MEMO1: variants seen among roughly 807,000 people sequenced by gnomAD.
MEMO1 encodes mediator of cell motility 1.
In MEMO1, 6 loss-of-function variants were observed where a neutral mutation model predicts 45.2. The observed-to-expected ratio is 0.13, with a 90% CI of 0.07 to 0.26. The LOEUF is 0.26. Ranked by LOEUF, MEMO1 falls within the 10% of genes least tolerant of loss-of-function variation. The pLI is 1.00. For missense variants in MEMO1, 184 were observed against 370.5 expected (o/e 0.50, Z 4.13); for synonymous variants, 78 against 124.3 (o/e 0.63, Z 2.48).
intron 2 of MEMO1, among the ~76,000 whole-genome samples, chr2:31,965,511 G>T (rs1373081306): frequency 2.0e-5 from 3 of 152,030 alleles, no homozygotes; most frequent in Non-Finnish European, 2.9e-5. Flanking sequence ...TTTAGAGTTG[G>T]AAAGAATATT....
intron 3 of MEMO1, among the ~76,000 whole-genome samples, chr2:31,942,678 C>T (rs1282388656): frequency 6.6e-6 from 1 of 152,044 alleles, no homozygotes; most frequent in Non-Finnish European, 1.5e-5. Flanking sequence ...CGTACCATCA[C>T]ACCCAGCTAA....
At chr2:31,954,557 G>C (rs889948121) in intron 2 of MEMO1, among the ~76,000 whole-genome samples, 1 of 152,150 alleles carries the variant, frequency 6.6e-6, no homozygotes, top group Non-Finnish European at 1.5e-5. Flanking sequence ...TCCCAGCCAG[G>C]CACAGTGGCT....
intron 5 of MEMO1, among the ~76,000 whole-genome samples, chr2:31,919,953 T>C (rs915254507): frequency 1.7e-3 from 225 of 132,760 alleles, no homozygotes; most frequent in African/African-American, 5.9e-3. Flanking sequence ...CATACACGTG[T>C]GTGTGTGTGT....
At chr2:31,929,774 T>C (rs1346726903) in intron 4 of MEMO1, among the ~76,000 whole-genome samples, 2 of 152,176 alleles carry the variant, frequency 1.3e-5, no homozygotes, top group Non-Finnish European at 2.9e-5. Context: ...GAATAGAAAG[T>C]GGTAGTATAG....
intron 7 of MEMO1, among the ~76,000 whole-genome samples, chr2:31,889,227 CTGAG>C (rs1391579549): frequency 2.0e-5 from 3 of 152,140 alleles, no homozygotes; most frequent in African/African-American, 7.2e-5. Flanking sequence ...CTGTGTGTAG[CTGAG>C]TAATTTTTCA....
intron 3 of MEMO1, among the ~76,000 whole-genome samples, chr2:31,937,072 T>A (rs1665000522): frequency 6.6e-6 from 1 of 152,166 alleles, no homozygotes; most frequent in Admixed American, 6.5e-5. Context: ...CCTATATAAT[T>A]TGCAAATGCA....
At chr2:31,912,438 A>G (rs868242674) in intron 6 of MEMO1, among the ~76,000 whole-genome samples, 12 of 150,272 alleles carry the variant, frequency 8.0e-5, no homozygotes, top group Admixed American at 2.7e-4. Context: ...ACCTGAACCC[A>G]GGAGGCGGAG....
intron 4 of MEMO1, among the ~76,000 whole-genome samples, chr2:31,927,699 T>C (rs1369698183): frequency 2.0e-5 from 3 of 151,856 alleles, no homozygotes; most frequent in Non-Finnish European, 4.4e-5. Context: ...TTAGAAAATG[T>C]ATTTATTTCT....
At chr2:31,943,838 C>A (rs1665895490) in intron 2 of MEMO1, among the ~76,000 whole-genome samples, 1 of 152,152 alleles carries the variant, frequency 6.6e-6, no homozygotes, top group Non-Finnish European at 1.5e-5. Flanking sequence ...ACTCCAGTCC[C>A]CTATTCTCAT....
intron 2 of MEMO1, among the ~76,000 whole-genome samples, chr2:31,965,589 A>T (rs1013163715): frequency 2.6e-5 from 4 of 152,212 alleles, no homozygotes; most frequent in African/African-American, 9.6e-5. Context: ...TGGGTATGTG[A>T]CCTAAACAAA....
chr2:31,950,636 G>A (rs1385824344), intron 2 of MEMO1, among the ~76,000 whole-genome samples: 5 of 150,328 alleles, frequency 3.3e-5, no homozygotes, highest in African/African-American at 4.9e-5. Context: ...CACGAGAATC[G>A]CTTGAACCTG....
intron 2 of MEMO1, among the ~76,000 whole-genome samples, chr2:31,982,789 T>C (rs556209650): frequency 4.6e-5 from 7 of 152,104 alleles, no homozygotes; most frequent in Admixed American, 3.3e-4. Flanking sequence ...TATACTGGCA[T>C]TGAACAAATA....
At chr2:31,898,315 C>T (rs1312681630) in intron 6 of MEMO1, among the ~76,000 whole-genome samples, 3 of 151,960 alleles carry the variant, frequency 2.0e-5, no homozygotes, top group Non-Finnish European at 4.4e-5. Flanking sequence ...GTTAGGGTGT[C>T]GATTTTAGAT....
intron 2 of MEMO1, among the ~76,000 whole-genome samples, chr2:31,945,661 T>A (rs1219193803): frequency 6.6e-6 from 1 of 152,234 alleles, no homozygotes; most frequent in East Asian, 1.9e-4. Context: ...TAACCATCTC[T>A]TTCAAATGAG....
chr2:31,912,987 A>G (rs539683129), intron 6 of MEMO1, among the ~76,000 whole-genome samples: 2 of 152,316 alleles, frequency 1.3e-5, no homozygotes, highest in African/African-American at 4.8e-5. Context: ...TAAATCTATT[A>G]AAAACATGCA....
intron 2 of MEMO1, among the ~76,000 whole-genome samples, chr2:31,968,299 ATCTGAGCTCCT>A (rs900904787): frequency 1.3e-5 from 2 of 152,218 alleles, no homozygotes; most frequent in African/African-American, 2.4e-5. Flanking sequence ...GCATCTGCAG[ATCTGAGCTCCT>A]TCTGGCTTCA....
At chr2:31,991,157 A>G (rs1338248981) in intron 2 of MEMO1, among the ~76,000 whole-genome samples, 3 of 152,260 alleles carry the variant, frequency 2.0e-5, no homozygotes, top group Non-Finnish European at 4.4e-5. Context: ...ATATGCATAA[A>G]CAATCACTGG....
intron 2 of MEMO1, among the ~76,000 whole-genome samples, chr2:32,003,039 G>C (rs1001569360): frequency 5.3e-5 from 8 of 152,028 alleles, no homozygotes; most frequent in African/African-American, 1.9e-4. Context: ...TTATTATATA[G>C]TCTTTCCAAA....
In MEMO1 at chr2:31,990,493, C is replaced by A. The variant is rs998900070; in HGVS notation, c.61+19694G>T. Among the ~76,000 whole-genome samples, 4 of 151,408 alleles carry A rather than the reference C, an allele frequency of 2.6e-5. No homozygotes were observed. In the East Asian group the frequency reaches 7.7e-4, roughly 29 times the overall value. ...TTGAGACAAGGTCTGGCTCTGTCACCCAGGCTCGAGTGCAGTGGCATGATC... is the reference window on the plus strand; with the variant it reads ...TTGAGACAAGGTCTGGCTCTGTCACACAGGCTCGAGTGCAGTGGCATGATC... On this transcript the variant is annotated intron_variant, in intron 2 of 9. Transcript: ENST00000404530.
Sources: gnomAD v4.1 joint callset for allele counts (sites outside exome capture counted in the v4.1 genomes callset) on GRCh38, gnomAD v4.1.1 for gene constraint, MANE v1.5 for transcripts, NCBI Gene and HGNC (gene_info 2026-07-23, HGNC 2026-07-21) for gene names.